SLC4A1: variants seen among roughly 807,000 people sequenced by gnomAD.
SLC4A1 encodes solute carrier family 4 member 1 (Diego blood group), also known as band 3 anion transport protein.
SLC4A1 carries 29 observed loss-of-function variants against 93.1 expected under a neutral mutation model. That is an observed-to-expected ratio of 0.31 (90% CI 0.23 to 0.42). The LOEUF is 0.42. SLC4A1 is among the 20% of genes least tolerant of loss of function. The pLI, the probability that SLC4A1 is intolerant of heterozygous loss-of-function variation, is 1.00. For synonymous variants in SLC4A1, 469 were observed against 497.2 expected, an observed-to-expected ratio of 0.94 and a Z score of 0.76; for missense variants, 965 against 1,190.1, an observed-to-expected ratio of 0.81 and a Z score of 2.78.
chr17:44,249,279 G>C lies in SLC4A1; in HGVS notation c.*1179C>G, dbSNP rs991812540. On this transcript the variant is annotated 3_prime_UTR_variant, in exon 20 of 20. Coordinates refer to ENST00000262418, the MANE Select transcript of SLC4A1 (RefSeq NM_000342.4). ...AAAAAATAAATTTGCCCATGTTCTT[G>C]GAGAGCCTGCTGTCTCCTACCCCAA... is the stretch of plus-strand genomic sequence containing the variant. 1 of 430,420 alleles carries C rather than the reference G, an allele frequency of 2.3e-6. No homozygotes were observed. Among genetic ancestry groups the C allele is most frequent in the Non-Finnish European group, 4.6e-6 (1 of 215,476 alleles). 26.7% of individuals were successfully genotyped at this position (430,420 alleles called of 1,614,324 possible). A position where few individuals can be genotyped will look rare whatever the true frequency, so the allele number is the denominator to read the frequency against.
Position 44,249,468 on chromosome 17 carries a change from C to A in SLC4A1, c.*990G>T, listed in dbSNP as rs1333969515. 3 of 253,064 alleles carry A rather than the reference C, an allele frequency of 1.2e-5. No individual in the cohort carries two copies. Among genetic ancestry groups the A allele is most frequent in the Admixed American group, 5.5e-5 (1 of 18,264 alleles). 15.7% of individuals were successfully genotyped at this position (253,064 alleles called of 1,614,324 possible). A position where few individuals can be genotyped will look rare whatever the true frequency, so the allele number is the denominator to read the frequency against. On this transcript the variant is annotated 3_prime_UTR_variant, in exon 20 of 20. Coordinates refer to ENST00000262418, the MANE Select transcript of SLC4A1 (RefSeq NM_000342.4). ...AACCCCCTCACTCTCCCGCCCCTAC[C>A]TTCCCACCCTCCCCCACTCCCTATC...
In SLC4A1 at chr17:44,249,142, G is replaced by T. The variant is rs886052991; in HGVS notation, c.*1316C>A. On this transcript the variant is annotated 3_prime_UTR_variant, in exon 20 of 20. Coordinates refer to ENST00000262418, the MANE Select transcript of SLC4A1 (RefSeq NM_000342.4). ...CTCCCAAAGTGCTGGGATTACAAAC[G>T]TGAGCCACTGCGCCCAGCCACCTCC... The T allele has an allele frequency of 6.6e-6, 3 of 453,798 alleles. No individual in the cohort carries two copies. The highest frequency in any genetic ancestry group is 1.4e-4 in the East Asian group (2 of 14,128). 28.1% of individuals were successfully genotyped at this position (453,798 alleles called of 1,614,324 possible).
chr17:44,259,440 G>A, intron 8 of SLC4A1, 57 bp downstream of exon 8: 1 of 1,602,144 alleles, frequency 6.2e-7, no homozygotes, highest in African/African-American at 1.3e-5. Flanking sequence ...GGGAAAGACA[G>A]GCTGAGCCAA....
intron 1 of SLC4A1, among the ~76,000 whole-genome samples, chr17:44,263,936 T>TTA (rs2047473961): frequency 1.3e-5 from 2 of 150,096 alleles, no homozygotes; most frequent in African/African-American, 4.9e-5. Flanking sequence ...CCCAGGTAAT[T>TTA]AAAAAAAAAA....
In SLC4A1 at chr17:44,253,130, C is replaced by G. The variant is rs767620009; in HGVS notation, c.2299G>C (p.Ala767Pro). ...AGCTTTCACTCACCCACAAGCACAGCGACCAGGAGTCCACTGATCCGCTGC... is the reference window on the plus strand; with the variant it reads ...AGCTTTCACTCACCCACAAGCACAGGGACCAGGAGTCCACTGATCCGCTGC... Reference protein sequence around the residue: ...KEQRISGLLVAVLVGLSILME... With the variant: ...KEQRISGLLVPVLVGLSILME... The change falls in exon 17 of 20, where the codon GCT becomes CCT. Residue 767 changes from alanine to proline, a missense_variant. Physicochemically the swap from Ala to Pro is conservative, Grantham distance 27. This residue lies in a region of SLC4A1 where 770 missense variants were observed against 1,006.6 expected (regional missense o/e 0.76). Coordinates refer to ENST00000262418, the MANE Select transcript of SLC4A1 (RefSeq NM_000342.4). The G allele has an allele frequency of 3.7e-5, 60 of 1,611,934 alleles. No individual in the cohort carries two copies. Among genetic ancestry groups the G allele is most frequent in the Non-Finnish European group, 8.5e-7 (1 of 1,180,030 alleles).
intron 13 of SLC4A1, among the ~76,000 whole-genome samples, chr17:44,256,642 C>T (rs1244467157): frequency 2.6e-5 from 4 of 152,214 alleles, no homozygotes; most frequent in Admixed American, 2.6e-4. Flanking sequence ...CCAGAGTCCC[C>T]CCAGCTCTCA....
rs193011645 is a variant in SLC4A1 at position 44,259,241 on chromosome 17, A to G, written c.798T>C (p.Phe266=). The G allele has an allele frequency of 2.5e-4, 397 of 1,614,022 alleles. 2 individuals are homozygous for G. In the East Asian group the frequency reaches 7.4e-3, roughly 30 times the overall value. Residue 266 remains phenylalanine (F), a synonymous_variant, in exon 9 of 20, where the codon TTT becomes TTC. Transcript: ENST00000262418. ...VELPVPIRFL[F]VLLGPEAPHI... ...GGGGGGCCTCAGGTCCCAGCAACAC[A>G]AAGAGGAAGCGTATAGGCACCGGCA...
chr17:44,250,581 G>T (rs2047329785), intron 19 of SLC4A1, 43 bp from the exon 20 acceptor site: 1 of 1,526,242 alleles, frequency 6.6e-7, no homozygotes. Context: ...AGAGACCCTG[G>T]GGCCAGAAGA....
chr17:44,250,630 G>A, intron 19 of SLC4A1, 92 bp from the exon 20 acceptor site: 1 of 954,198 alleles, frequency 1.0e-6, no homozygotes, highest in Non-Finnish European at 1.7e-6. Flanking sequence ...GGAGTTAGGA[G>A]AGGGTCTGGC....
intron 17 of SLC4A1, 32 bp from the exon 18 acceptor site, chr17:44,251,620 T>C (rs764208700): frequency 6.2e-7 from 1 of 1,612,274 alleles, no homozygotes; most frequent in Non-Finnish European, 8.5e-7. Context: ...TCAGCCCAGG[T>C]TGCCCGAGGC....
At chr17:44,265,054 G>T (rs1172721324) in intron 1 of SLC4A1, among the ~76,000 whole-genome samples, 1 of 101,556 alleles carries the variant, frequency 9.8e-6, no homozygotes, top group African/African-American at 4.2e-5. Context: ...GGGGTGCCGA[G>T]CACTGGGGGC....
intron 19 of SLC4A1, 110 bp downstream of exon 19, chr17:44,251,049 C>T: frequency 8.1e-7 from 1 of 1,236,404 alleles, no homozygotes; most frequent in Non-Finnish European, 1.2e-6. Flanking sequence ...ACCTGGACAC[C>T]AGCCCTAGCC....
At position 44,251,520 on chromosome 17, in the gene SLC4A1, A is replaced by G; in HGVS notation, c.2380T>C (p.Tyr794His). 1.2e-6 allele frequency: 2 copies of G among 1,614,152 alleles called. No homozygotes were observed. The highest frequency in any genetic ancestry group is 1.7e-6 in the Non-Finnish European group (2 of 1,180,018). Residue 794 changes from tyrosine to histidine, a missense_variant, in exon 18 of 20, where the codon TAC becomes CAC. Tyr to His is a moderately conservative substitution (Grantham distance 83, BLOSUM62 2). Around this residue, in one of 2 missense-constraint regions of SLC4A1, gnomAD observed 770 missense variants for 1,006.6 expected, o/e 0.76. Transcript: ENST00000262418. ...CCGCTGAGCGACGTGACCCCCATGTAGAGGAAGATGCCAAACAGTACAGCC... is the reference window on the plus strand; with the variant it reads ...CCGCTGAGCGACGTGACCCCCATGTGGAGGAAGATGCCAAACAGTACAGCC... ...PLAVLFGIFL[Y>H]MGVTSLSGIQ...
intron 14 of SLC4A1, 147 bp from the exon 15 acceptor site, chr17:44,255,443 G>A: frequency 1.3e-6 from 1 of 758,732 alleles, no homozygotes. Flanking sequence ...AGCTATGTCT[G>A]CCTCCTTTCT....
At chr17:44,267,235 G>C (rs759608650) in intron 1 of SLC4A1, among the ~76,000 whole-genome samples, 1 of 152,106 alleles carries the variant, frequency 6.6e-6, no homozygotes, top group African/African-American at 2.4e-5. Context: ...CTCTGCAGTC[G>C]GACTGCCTGG....
intron 16 of SLC4A1, 31 bp downstream of exon 16, chr17:44,254,461 ACCCT>A: frequency 5.7e-5 from 37 of 654,114 alleles, no homozygotes; most frequent in Non-Finnish European, 9.5e-5. Flanking sequence ...CCTGCCTCCC[ACCCT>A]CCCAGGCCCA....
At chr17:44,251,685 A>G in intron 17 of SLC4A1, 97 bp from the exon 18 acceptor site, 2 of 934,546 alleles carry the variant, frequency 2.1e-6, no homozygotes, top group East Asian at 2.6e-5. Context: ...AAACACAGGC[A>G]CCATATGGAG....
rs201265907 is a variant in SLC4A1 at position 44,262,895 on chromosome 17, C to T, written c.-29G>A. 83 of 1,614,000 alleles carry T rather than the reference C, an allele frequency of 5.1e-5. No individual in the cohort carries two copies. The highest frequency in any genetic ancestry group is 3.7e-4 in the African/African-American group (28 of 75,054). On this transcript the variant is annotated 5_prime_UTR_variant, in exon 2 of 20. Coordinates refer to ENST00000262418, the MANE Select transcript of SLC4A1 (RefSeq NM_000342.4). Reference sequence around the variant, plus strand: ...GTGGTCCTGAGTGTCCAGTTGTCTACGGTGATCTGAGCCCCCAGCATAACC... The same window carrying T: ...GTGGTCCTGAGTGTCCAGTTGTCTATGGTGATCTGAGCCCCCAGCATAACC...
At chr17:44,255,123 G>A (rs1293055014) in intron 15 of SLC4A1, 84 bp downstream of exon 15, 3 of 958,412 alleles carry the variant, frequency 3.1e-6, no homozygotes, top group Admixed American at 2.0e-5. Flanking sequence ...GTTGGGGAAA[G>A]CTATTCTAGG....
Sources: allele counts gnomAD v4.1 joint callset (sites outside exome capture counted in the v4.1 genomes callset), GRCh38; gene constraint gnomAD v4.1.1; regional missense constraint gnomAD v4.1.1; transcripts MANE v1.5; gene names NCBI Gene and HGNC (gene_info 2026-07-23, HGNC 2026-07-21).